LIG3: variants seen among roughly 807,000 people sequenced by gnomAD.
LIG3 encodes the protein ligase II, DNA, ATP-dependent.
Under a neutral mutation model 110.9 loss-of-function variants are expected in LIG3, and 58 were observed. The observed-to-expected ratio is 0.52, with a 90% CI of 0.42 to 0.65. The LOEUF (loss-of-function observed/expected upper bound fraction) is 0.65, where lower values mean the gene tolerates loss of function less well. Ranked by LOEUF, LIG3 falls within the 30% of genes least tolerant of loss-of-function variation. The pLI is 0.00. For synonymous variants in LIG3, 422 were observed against 472.8 expected (o/e 0.89, Z 1.39); for missense variants, 1,094 against 1,273.8 (o/e 0.86, Z 2.15).
At position 35,002,939 on chromosome 17, in the gene LIG3, C is replaced by T. The variant is rs369576747; in HGVS notation, c.2796+150C>T. ...TCCCTGCCTGCAGCCACTCCTCTGT[C>T]GTGGGCAGGGTCAGCAATGCTGCTG... On this transcript the variant is annotated intron_variant, in intron 19 of 19. Transcript: ENST00000378526. The T allele has an allele frequency of 3.7e-5, 59 of 1,611,488 alleles. No homozygotes were observed. The East Asian group carries it at 7.1e-4, about 19-fold the overall frequency.
chr17:34,997,902 C>T (rs1462654345), intron 12 of LIG3, 77 bp downstream of exon 12: 13 of 1,076,936 alleles, frequency 1.2e-5, no homozygotes, highest in Non-Finnish European at 1.9e-5. Context: ...TCAACTGCGA[C>T]TGGAAGAATA....
At chr17:34,986,203 T>A (rs1012748971) in intron 3 of LIG3, 72 bp downstream of exon 3, 30 of 1,484,422 alleles carry the variant, frequency 2.0e-5, no homozygotes, top group Non-Finnish European at 2.7e-5. Context: ...GGATTCTGGC[T>A]AAAGAGTGAA....
At position 34,992,620 on chromosome 17, in the gene LIG3, G is replaced by A. The variant is rs3135988; in HGVS notation, c.1383G>A (p.Val461=). ...GGGTCCTTCACAACGCGCAGGAGGT[G>A]GAGAAGGAGCCGGGCCAGAGACGAG... The part of the protein sequence containing the change: ...VERVLHNAQE[V]EKEPGQRRAL... Residue 461 remains valine, a synonymous_variant, in exon 8 of 20, where the codon GTG becomes GTA. Coordinates refer to ENST00000378526, the MANE Select transcript of LIG3 (RefSeq NM_013975.4). 2.2e-4 allele frequency: 347 copies of A among 1,613,854 alleles called. 2 individuals are homozygous for A. In the East Asian group the frequency reaches 6.1e-3, roughly 29 times the overall value.
At chr17:34,992,099 T>A (rs2090728338) in intron 7 of LIG3, 64 bp downstream of exon 7, 2 of 1,446,540 alleles carry the variant, frequency 1.4e-6, no homozygotes, top group East Asian at 4.5e-5. Flanking sequence ...TCCCAACTGG[T>A]GTCAGGACTT....
intron 3 of LIG3, 21 bp from the exon 4 acceptor site, chr17:34,989,445 T>C (rs1445562789): frequency 6.2e-7 from 1 of 1,605,530 alleles, no homozygotes; most frequent in Admixed American, 1.7e-5. Flanking sequence ...AATGAATTCA[T>C]CTCTGTTGTT....
chr17:34,983,724 A>C (rs1021826664), intron 2 of LIG3, among the ~76,000 whole-genome samples, 172 bp downstream of exon 2: 2 of 152,176 alleles, frequency 1.3e-5, no homozygotes, highest in Non-Finnish European at 2.9e-5. Context: ...GCAGCTTTGC[A>C]CTGCTGGACT....
At chr17:34,990,559 C>T (rs2092148654) in intron 4 of LIG3, among the ~76,000 whole-genome samples, 2 of 152,026 alleles carry the variant, frequency 1.3e-5, no homozygotes, top group South Asian at 4.2e-4. Context: ...GGATCACAGG[C>T]GTGAGCCACC....
rs1167454497 is a variant in LIG3 at position 34,989,615 on chromosome 17, A to G, written c.841A>G (p.Thr281Ala). Residue 281 changes from threonine (T) to alanine (A), a missense_variant, in exon 4 of 20, where the codon ACG (threonine) becomes GCG (alanine). Transcript: ENST00000378526. ...AMVADNPSYNTKTQIIQDFLR... is the reference protein window; with the variant it reads ...AMVADNPSYNAKTQIIQDFLR... Reference sequence around the variant, plus strand: ...GGTGGCCGATAATCCTAGCTACAACACGAAGACCCAGATCATCCAGGACTT... The same window carrying G: ...GGTGGCCGATAATCCTAGCTACAACGCGAAGACCCAGATCATCCAGGACTT... The G allele has an allele frequency of 6.2e-7, 1 of 1,614,006 alleles. No individual in the cohort carries two copies. The highest frequency in any genetic ancestry group is 1.3e-5 in the African/African-American group (1 of 74,896).
intron 17 of LIG3, 109 bp from the exon 18 acceptor site, chr17:35,001,796 ATCTT>A: frequency 6.4e-6 from 6 of 943,870 alleles, no homozygotes; most frequent in Non-Finnish European, 9.5e-6. Context: ...CTTGCTCTTT[ATCTT>A]TCTCACATCT....
At chr17:34,992,835 G>A (rs977731096) in intron 8 of LIG3, 143 bp downstream of exon 8, 2 of 793,710 alleles carry the variant, frequency 2.5e-6, no homozygotes, top group Non-Finnish European at 1.8e-6. Flanking sequence ...GTGCAAGGGG[G>A]TATTTCTCTG....
chr17:35,001,203 G>A, intron 16 of LIG3, 54 bp from the exon 17 acceptor site: 5 of 1,583,632 alleles, frequency 3.2e-6, no homozygotes, highest in Non-Finnish European at 4.3e-6. Context: ...ACCACGCCCG[G>A]CCACTGATAC....
chr17:34,989,698 C>T (rs746180747), intron 4 of LIG3, 35 bp downstream of exon 4: 8 of 1,603,466 alleles, frequency 5.0e-6, no homozygotes, highest in East Asian at 2.2e-5. Flanking sequence ...GCCTTTCCTC[C>T]GGAGAGCTCA....
chr17:35,002,834 A>G (rs375454837), intron 19 of LIG3, 45 bp downstream of exon 19: 2 of 1,572,866 alleles, frequency 1.3e-6, no homozygotes, highest in African/African-American at 1.3e-5. Flanking sequence ...AGTTTAGCCC[A>G]GGTTGTGTTC....
In LIG3 at chr17:34,986,111, G is replaced by A. The variant is rs202243099; in HGVS notation, c.671G>A (p.Arg224Gln). 7 of 1,613,988 alleles carry A rather than the reference G, an allele frequency of 4.3e-6. No individual in the cohort carries two copies. The highest frequency in any genetic ancestry group is 3.3e-5 in the South Asian group (3 of 91,072). Residue 224 changes from arginine to glutamine, a missense_variant, in exon 3 of 20, where the codon CGG becomes CAG. Transcript: ENST00000378526. ...TCATTTGTCACCAGTACCAATCCCC[G>A]GAAATTTTCTGGCTTTTCAGGTAAG... ...GASFVTSTNPRKFSGFSAKPN... is the reference protein window; with the variant it reads ...GASFVTSTNPQKFSGFSAKPN...
chr17:34,994,465 T>G (rs981789559), intron 9 of LIG3, 34 bp downstream of exon 9: 1 of 1,601,624 alleles, frequency 6.2e-7, no homozygotes, highest in Non-Finnish European at 8.5e-7. Context: ...AGGACCGTCT[T>G]TCCCCTTTCT....
chr17:35,004,587 C>T lies in LIG3; in HGVS notation c.*81C>T. 1 of 1,189,432 alleles carries T rather than the reference C, an allele frequency of 8.4e-7. No individual in the cohort carries two copies. Among genetic ancestry groups the T allele is most frequent in the East Asian group, 2.4e-5 (1 of 42,128 alleles). The allele number at this position is 1,189,432 out of a possible 1,614,324, so 73.7% of individuals were successfully genotyped here. On this transcript the variant is annotated 3_prime_UTR_variant, in exon 20 of 20. Coordinates refer to ENST00000378526, the MANE Select transcript of LIG3 (RefSeq NM_013975.4). ...TGGACTCAGGCTGGAGGCAGATAGACACAGTATAGGGGGAATGGGCTTGCT... is the reference window on the plus strand; with the variant it reads ...TGGACTCAGGCTGGAGGCAGATAGATACAGTATAGGGGGAATGGGCTTGCT...
At chr17:34,988,934 A>G (rs763714834) in intron 3 of LIG3, among the ~76,000 whole-genome samples, 3 of 152,028 alleles carry the variant, frequency 2.0e-5, no homozygotes, top group Non-Finnish European at 4.4e-5. Flanking sequence ...ATTGTCTAAC[A>G]CGTACTTGAT....
chr17:34,991,923 T>C, intron 6 of LIG3, 35 bp from the exon 7 acceptor site: 2 of 1,613,974 alleles, frequency 1.2e-6, no homozygotes, highest in Non-Finnish European at 1.7e-6. Context: ...TCCAGAGCTC[T>C]TCAAGACCAA....
Position 34,980,623 on chromosome 17 carries a change from G to A in LIG3, c.-5+1G>A. On this transcript the variant is annotated splice_donor_variant, in intron 1 of 19. Coordinates refer to ENST00000378526, the MANE Select transcript of LIG3 (RefSeq NM_013975.4). LOFTEE classifies it low-confidence loss of function (5UTR_SPLICE). ...GTGAGCGCCGGAGCCGGAGAGGCAG[G>A]TGAGGGGCTACGCGGCGCGGCACGG... The A allele has an allele frequency of 7.8e-7, 1 of 1,279,608 alleles. No individual in the cohort carries two copies. The highest frequency in any genetic ancestry group is 1.0e-6 in the Non-Finnish European group (1 of 983,850). The allele number at this position is 1,279,608 out of a possible 1,614,324, so 79.3% of individuals were successfully genotyped here.
Sources: allele counts gnomAD v4.1 joint callset (sites outside exome capture counted in the v4.1 genomes callset), GRCh38; gene constraint gnomAD v4.1.1; transcripts MANE v1.5; gene names NCBI Gene and HGNC (gene_info 2026-07-23, HGNC 2026-07-21).